CHRNA4: variants seen among roughly 807,000 people sequenced by gnomAD.
CHRNA4 encodes the protein neuronal acetylcholine receptor subunit alpha-4.
Under a neutral mutation model 48.9 loss-of-function variants are expected in CHRNA4, and 28 were observed. The ratio of observed to expected loss-of-function variants is 0.57; its 90% CI spans 0.42 to 0.79. CHRNA4 has a LOEUF of 0.79. Ranked by LOEUF, CHRNA4 falls within the 30% of genes least tolerant of loss-of-function variation. CHRNA4 has a pLI of 0.00. For missense variants in CHRNA4, 859 were observed against 898.4 expected (o/e 0.96, Z 0.56); for synonymous variants, 425 against 402.3 (o/e 1.06, Z -0.68).
intron 1 of CHRNA4, 46 bp from the exon 2 acceptor site, chr20:63,359,745 A>G (rs556256000): frequency 6.3e-7 from 1 of 1,591,790 alleles, no homozygotes; most frequent in East Asian, 2.3e-5. Flanking sequence ...GCGGGACAGG[A>G]GCCGGGAGCT....
At chr20:63,354,191 C>G (rs2068679454) in intron 4 of CHRNA4, among the ~76,000 whole-genome samples, 1 of 100,798 alleles carries the variant, frequency 9.9e-6, no homozygotes, top group African/African-American at 4.2e-5. Context: ...GGGCTGTGGT[C>G]CTGGGGGGGC....
At chr20:63,351,693 G>A (rs1329590697) in intron 4 of CHRNA4, among the ~76,000 whole-genome samples, 5 of 152,240 alleles carry the variant, frequency 3.3e-5, no homozygotes, top group African/African-American at 4.8e-5. Context: ...ATGCAGTGGG[G>A]CTGCATACGC....
intron 4 of CHRNA4, among the ~76,000 whole-genome samples, chr20:63,353,757 G>GA (rs1278888788): frequency 3.7e-5 from 2 of 54,096 alleles, no homozygotes; most frequent in African/African-American, 7.1e-5. Context: ...GTCCTGGGGG[G>GA]CTGTAGTCCT....
Position 63,345,127 on chromosome 20 carries a change from A to G in CHRNA4, c.*1611T>C, listed in dbSNP as rs1421724080. The G allele has an allele frequency of 2.2e-6, 1 of 454,012 alleles. No individual in the cohort carries two copies. The highest frequency in any genetic ancestry group is 1.6e-5 in the South Asian group (1 of 64,464). 28.1% of individuals were successfully genotyped at this position (454,012 alleles called of 1,614,324 possible). ...CAGCGGCATTTCTGGGGCACTCGGC[A>G]TGCCGGGTTCCTAACCTCAATTATT... On this transcript the variant is annotated 3_prime_UTR_variant, in exon 6 of 6. Coordinates refer to ENST00000370263, the MANE Select transcript of CHRNA4 (RefSeq NM_000744.7). The surrounding 1 kb of genome is among the most constrained non-coding windows in gnomAD (Gnocchi z 5.4).
intron 2 of CHRNA4, among the ~76,000 whole-genome samples, chr20:63,357,775 G>T (rs559913841): frequency 6.6e-6 from 1 of 152,128 alleles, no homozygotes; most frequent in Non-Finnish European, 1.5e-5. Flanking sequence ...CGTGGCCCTC[G>T]GCCTTGGGCA....
chr20:63,344,448 G>C lies in CHRNA4; in HGVS notation c.*2290C>G, dbSNP rs2068453491. 2 of 453,572 alleles carry C rather than the reference G, an allele frequency of 4.4e-6. No individual in the cohort carries two copies. The highest frequency in any genetic ancestry group is 3.1e-5 in the South Asian group (2 of 64,456). The allele number at this position is 453,572 out of a possible 1,614,324, so 28.1% of individuals were successfully genotyped here. On this transcript the variant is annotated 3_prime_UTR_variant, in exon 6 of 6. Transcript: ENST00000370263. This position sits in a 1 kb window ranked among gnomAD's most constrained non-coding sequence, Gnocchi z 4.5. ...CAACATTGTTGTCAAGGTTAATTTG[G>C]CGTGGTGGGAATATGGTGCTTTATT... is the stretch of plus-strand genomic sequence containing the variant.
Position 63,350,625 on chromosome 20 carries a change from C to A in CHRNA4, c.786G>T (p.Val262=). The change falls in exon 5 of 6, where the codon GTG becomes GTT. Residue 262 remains valine (V), a synonymous_variant. Transcript: ENST00000370263. The part of the protein sequence containing the change: ...IPCLLISCLT[V]LVFYLPSECG... ...ACTCGGAGGGCAGGTAGAAGACCAG[C>A]ACGGTGAGGCAGGAGATGAGCAGGC... is the stretch of plus-strand genomic sequence containing the variant. 1 of 1,613,844 alleles carries A rather than the reference C, an allele frequency of 6.2e-7. No homozygotes were observed. Among genetic ancestry groups the A allele is most frequent in the Non-Finnish European group, 8.5e-7 (1 of 1,179,986 alleles).
intron 4 of CHRNA4, among the ~76,000 whole-genome samples, chr20:63,352,088 G>A (rs1380443714): frequency 6.6e-6 from 1 of 152,194 alleles, no homozygotes; most frequent in Non-Finnish European, 1.5e-5. Flanking sequence ...GCGTCGGGGG[G>A]AGCGGCTGCC....
At chr20:63,359,072 G>A (rs1189214548) in intron 2 of CHRNA4, among the ~76,000 whole-genome samples, 4 of 151,544 alleles carry the variant, frequency 2.6e-5, no homozygotes, top group East Asian at 1.9e-4. Context: ...AACAGACTTC[G>A]CCCAAGACTC....
At chr20:63,352,086 G>A (rs2068624412) in intron 4 of CHRNA4, among the ~76,000 whole-genome samples, 1 of 152,202 alleles carries the variant, frequency 6.6e-6, no homozygotes, top group Admixed American at 6.5e-5. Context: ...ACGCGTCGGG[G>A]GGAGCGGCTG....
At chr20:63,359,929 G>GTGTGTGTGTA in intron 1 of CHRNA4, 1 of 433,974 alleles carries the variant, frequency 2.3e-6, no homozygotes, top group Non-Finnish European at 4.1e-6. Flanking sequence ...GTGTGTGTGT[G>GTGTGTGTGTA]CCGGGCGTGG....
At chr20:63,361,020 T>C (rs2068810959) in intron 1 of CHRNA4, 70 bp downstream of exon 1, 3 of 1,245,758 alleles carry the variant, frequency 2.4e-6, no homozygotes, top group South Asian at 1.9e-5. Context: ...CCTGCCTCCC[T>C]CTGGCTCTGG....
rs1392294035 is a variant in CHRNA4 at position 63,343,352 on chromosome 20, T to A, written c.*3386A>T. The A allele has an allele frequency of 2.2e-6, 1 of 453,552 alleles. No individual in the cohort carries two copies. Among genetic ancestry groups the A allele is most frequent in the Non-Finnish European group, 4.4e-6 (1 of 226,398 alleles). 28.1% of individuals were successfully genotyped at this position (453,552 alleles called of 1,614,324 possible). On this transcript the variant is annotated 3_prime_UTR_variant, in exon 6 of 6. Transcript: ENST00000370263. Reference sequence around the variant, plus strand: ...CGGCGGGCCACACGGTCGGCGGGGCTTGGTCCATGGGGCTGGCCGGGCTTG... The same window carrying A: ...CGGCGGGCCACACGGTCGGCGGGGCATGGTCCATGGGGCTGGCCGGGCTTG...
At position 63,345,983 on chromosome 20, in the gene CHRNA4, A is replaced by G. The variant is rs45624232; in HGVS notation, c.*755T>C. The G allele has an allele frequency of 0.1, 45,443 of 454,008 alleles. 2,834 individuals are homozygous for G. Among genetic ancestry groups the G allele is most frequent in the South Asian group, 0.16 (10,258 of 64,462 alleles). The allele number at this position is 454,008 out of a possible 1,614,324, so 28.1% of individuals were successfully genotyped here. A position where few individuals can be genotyped will look rare whatever the true frequency, so the allele number is the denominator to read the frequency against. ...CCTGGAAGGCAGAGTCCTGGTCTCC[A>G]GACTCGCTGGGGCTGGGTGTTCCTG... On this transcript the variant is annotated 3_prime_UTR_variant, in exon 6 of 6. Coordinates refer to ENST00000370263, the MANE Select transcript of CHRNA4 (RefSeq NM_000744.7). This position sits in a 1 kb window ranked among gnomAD's most constrained non-coding sequence, Gnocchi z 5.4.
At position 63,350,385 on chromosome 20, in the gene CHRNA4, G is replaced by C. The variant is rs553885477; in HGVS notation, c.1026C>G (p.Thr342=). 6.2e-7 allele frequency: 1 copy of C among 1,613,868 alleles called. No individual in the cohort carries two copies. Among genetic ancestry groups the C allele is most frequent in the Non-Finnish European group, 8.5e-7 (1 of 1,180,032 alleles). ...TGTCCAGGAAGACCCTGCGTACCCAGGTGGGCATGGTGTGCGTGCGTGGCG... is the reference window on the plus strand; with the variant it reads ...TGTCCAGGAAGACCCTGCGTACCCACGTGGGCATGGTGTGCGTGCGTGGCG... ...HRSPRTHTMP[T]WVRRVFLDIV... The change falls in exon 5 of 6, where the codon ACC becomes ACG. Residue 342 remains threonine, a synonymous_variant. Coordinates refer to ENST00000370263, the MANE Select transcript of CHRNA4 (RefSeq NM_000744.7).
chr20:63,355,637 G>A, intron 4 of CHRNA4: 1 of 1,273,564 alleles, frequency 7.9e-7, no homozygotes, highest in Non-Finnish European at 1.0e-6. Context: ...TCAGGAGCCA[G>A]CCCCCAGGCC....
At chr20:63,361,030 G>A (rs2068811043) in intron 1 of CHRNA4, 60 bp downstream of exon 1, 1 of 1,304,330 alleles carries the variant, frequency 7.7e-7, no homozygotes, top group African/African-American at 1.5e-5. Context: ...TCTGGCTCTG[G>A]GGGTCCCAGG....
chr20:63,347,018 G>T, intron 5 of CHRNA4, 155 bp from the exon 6 acceptor site: 3 of 1,113,758 alleles, frequency 2.7e-6, no homozygotes, highest in Non-Finnish European at 2.6e-6. Context: ...CAGCTGCACC[G>T]AGGGGAGGAA....
rs926386759 is a variant in CHRNA4, at chr20:63,344,586, G to A, written c.*2152C>T. ...CCGGCAGGAGCGTCCCAGCCACTCCGCAGTCACTCCTGACCCAGAAAAGAA... is the reference window on the plus strand; with the variant it reads ...CCGGCAGGAGCGTCCCAGCCACTCCACAGTCACTCCTGACCCAGAAAAGAA... On this transcript the variant is annotated 3_prime_UTR_variant, in exon 6 of 6. Transcript: ENST00000370263. The surrounding 1 kb of genome is among the most constrained non-coding windows in gnomAD (Gnocchi z 4.5). 16 of 452,996 alleles carry A rather than the reference G, an allele frequency of 3.5e-5. 1 individual carries two copies. Among genetic ancestry groups the A allele is most frequent in the Non-Finnish European group, 6.2e-5 (14 of 226,546 alleles). 28.1% of individuals were successfully genotyped at this position (452,996 alleles called of 1,614,324 possible).
Sources: gnomAD v4.1 joint callset for allele counts (sites outside exome capture counted in the v4.1 genomes callset) on GRCh38, gnomAD v4.1.1 for gene constraint, Gnocchi (gnomAD v3.1) non-coding constraint, MANE v1.5 for transcripts, NCBI Gene and HGNC (gene_info 2026-07-23, HGNC 2026-07-21) for gene names.